DOCK2: variants seen among roughly 807,000 people sequenced by gnomAD.
The protein encoded by DOCK2 is dedicator of cytokinesis 2.
A neutral mutation model predicts 248.9 loss-of-function variants in DOCK2; 87 were observed. That is an observed-to-expected ratio of 0.35 (90% CI 0.29 to 0.42). DOCK2 has a LOEUF of 0.42. Among genes scored for constraint, DOCK2 ranks in the 10% least tolerant of loss-of-function variants. The probability of loss-of-function intolerance (pLI) is 1.00; values close to 1 mark genes in which losing one functional copy is unlikely to be tolerated. For synonymous variants in DOCK2, 805 were observed against 821.6 expected (o/e 0.98, Z 0.35); for missense variants, 1,747 against 2,300.2 (o/e 0.76, Z 4.92).
Position 169,819,577 on chromosome 5 carries a change from C to T in DOCK2, c.2703+16371C>T, listed in dbSNP as rs141307656. On this transcript the variant is annotated intron_variant, in intron 26 of 51. Coordinates refer to ENST00000520908, the MANE Select transcript of DOCK2 (RefSeq NM_004946.3). ...TAGTGGATGCAGTGAGCTGTGATCA[C>T]ACCACTGCACTCCAGCCTGGGTGAC... 1.3e-4 allele frequency among the ~76,000 whole-genome samples: 20 copies of T among 152,298 alleles called. No homozygotes were observed. The East Asian group carries it at 3.7e-3, about 28-fold the overall frequency.
At chr5:169,670,288 G>C (rs534108840) in intron 3 of DOCK2, among the ~76,000 whole-genome samples, 1 of 152,288 alleles carries the variant, frequency 6.6e-6, no homozygotes, top group South Asian at 2.1e-4. Flanking sequence ...TTGGGATCTA[G>C]GGCTATGGTG....
intron 25 of DOCK2, among the ~76,000 whole-genome samples, chr5:169,778,746 A>C (rs13171272): frequency 0.27 from 40,691 of 152,106 alleles, 5,699 homozygotes; most frequent in African/African-American, 0.35. Flanking sequence ...AGATAGTCAA[A>C]TTCAGCAATT....
intron 26 of DOCK2, among the ~76,000 whole-genome samples, chr5:169,827,108 G>C (rs1768916826): frequency 6.6e-6 from 1 of 152,272 alleles, no homozygotes; most frequent in African/African-American, 2.4e-5. Flanking sequence ...CTTAGAATTT[G>C]TCTTGGGTGG....
In DOCK2 at chr5:169,866,332, T is replaced by C. The variant is rs533483912; in HGVS notation, c.2799+25480T>C. On this transcript the variant is annotated intron_variant, in intron 27 of 51. Coordinates refer to ENST00000520908, the MANE Select transcript of DOCK2 (RefSeq NM_004946.3). ...TGTATTGTGGATGAAACATAGGCTG[T>C]GGTTTTTAAAGCAAAGCCCCACAGT... 2.7e-3 allele frequency among the ~76,000 whole-genome samples: 405 copies of C among 152,314 alleles called. 1 individual carries two copies. Among genetic ancestry groups the C allele is most frequent in the Admixed American group, 5.8e-3 (89 of 15,304 alleles).
chr5:169,710,988 T>C lies in DOCK2; in HGVS notation c.1483-947T>C, dbSNP rs563856759. Among the ~76,000 whole-genome samples the C allele has an allele frequency of 5.9e-5, 9 of 152,272 alleles. No homozygotes were observed. In the East Asian group the frequency reaches 1.4e-3, roughly 23 times the overall value. ...TCAGCATGGCCAGCACCCCACATGA[T>C]TGTAGCTTCTAGTGAACATTCAACA... is the stretch of plus-strand genomic sequence containing the variant. On this transcript the variant is annotated intron_variant, in intron 15 of 51. Coordinates refer to ENST00000520908, the MANE Select transcript of DOCK2 (RefSeq NM_004946.3).
At chr5:169,957,395 G>A (rs1418841871) in intron 27 of DOCK2, among the ~76,000 whole-genome samples, 1 of 152,186 alleles carries the variant, frequency 6.6e-6, no homozygotes, top group African/African-American at 2.4e-5. Flanking sequence ...TGTTTAGAAC[G>A]TAATAGGCAC....
intron 47 of DOCK2, among the ~76,000 whole-genome samples, chr5:170,076,847 T>C (rs1757856757): frequency 6.6e-6 from 1 of 152,210 alleles, no homozygotes; most frequent in Non-Finnish European, 1.5e-5. Flanking sequence ...ATGAAGTCCC[T>C]GTAATGCAAT....
intron 25 of DOCK2, among the ~76,000 whole-genome samples, chr5:169,792,834 T>A (rs1270284892): frequency 2.0e-5 from 3 of 152,178 alleles, no homozygotes; most frequent in Non-Finnish European, 2.9e-5. Flanking sequence ...TGGCCATATA[T>A]GCATTTTTAT....
At chr5:169,692,663 T>C (rs1760377953) in intron 9 of DOCK2, among the ~76,000 whole-genome samples, 1 of 152,164 alleles carries the variant, frequency 6.6e-6, no homozygotes, top group African/African-American at 2.4e-5. Context: ...TTATGTAGTA[T>C]ATTAGTTTGC....
At chr5:169,716,894 A>G (rs541614491) in intron 20 of DOCK2, among the ~76,000 whole-genome samples, 1 of 152,226 alleles carries the variant, frequency 6.6e-6, no homozygotes, top group South Asian at 2.1e-4. Flanking sequence ...TTAAGTGTTA[A>G]CCCCTTGTGT....
intron 27 of DOCK2, among the ~76,000 whole-genome samples, chr5:169,876,821 C>T (rs1772363527): frequency 6.6e-6 from 1 of 152,212 alleles, no homozygotes; most frequent in Admixed American, 6.5e-5. Flanking sequence ...ACAATTTAAA[C>T]AGCTGTCTCA....
At chr5:169,991,056 T>C (rs1778193304) in intron 29 of DOCK2, among the ~76,000 whole-genome samples, 1 of 152,248 alleles carries the variant, frequency 6.6e-6, no homozygotes, top group African/African-American at 2.4e-5. Flanking sequence ...CTTTTACAGA[T>C]GGGGCAGTTG....
intron 2 of DOCK2, among the ~76,000 whole-genome samples, chr5:169,663,583 A>G (rs952483844): frequency 2.0e-5 from 3 of 152,186 alleles, no homozygotes; most frequent in Non-Finnish European, 2.9e-5. Context: ...CCAAAGCTCA[A>G]CTCTTGTCTC....
At chr5:169,676,391 G>A (rs1242124331) in intron 6 of DOCK2, among the ~76,000 whole-genome samples, 2 of 152,116 alleles carry the variant, frequency 1.3e-5, no homozygotes, top group Non-Finnish European at 2.9e-5. Flanking sequence ...AGAAGAAAGA[G>A]GGTCCTCCCT....
chr5:169,969,300 C>G (rs1443863126), intron 27 of DOCK2, among the ~76,000 whole-genome samples: 1 of 151,956 alleles, frequency 6.6e-6, no homozygotes, highest in Admixed American at 6.6e-5. Context: ...CAAAAATTAG[C>G]TGGGTGTGGT....
intron 22 of DOCK2, among the ~76,000 whole-genome samples, chr5:169,724,013 A>G (rs144115368): frequency 1.5e-3 from 221 of 152,350 alleles, no homozygotes; most frequent in Non-Finnish European, 2.1e-3. Context: ...AGTCAAGCTC[A>G]ATGATCACAC....
rs1490000490 is a variant in DOCK2, at chr5:169,754,927, A to ATTTATTTATTTATTTG, written c.2377-4763_2377-4762insGTTTATTTATTTATTT. Among the ~76,000 whole-genome samples, 4 of 147,812 alleles carry ATTTATTTATTTATTTG rather than the reference A, an allele frequency of 2.7e-5. No individual in the cohort carries two copies. The Admixed American group carries it at 2.7e-4, about 10-fold the overall frequency. On this transcript the variant is annotated intron_variant, in intron 23 of 51. Transcript: ENST00000520908. ...TAATGGTTCCTATTTTTTATTATTT[A>ATTTATTTATTTATTTG]TTTATTTATTTATTTATTTATTTAT...
At chr5:169,819,821 G>T (rs1015415237) in intron 26 of DOCK2, among the ~76,000 whole-genome samples, 6 of 152,328 alleles carry the variant, frequency 3.9e-5, no homozygotes, top group East Asian at 3.9e-4. Flanking sequence ...GCGGGGTGAG[G>T]CATCACCTCA....
intron 27 of DOCK2, among the ~76,000 whole-genome samples, chr5:169,859,338 TG>T (rs1167150735): frequency 6.6e-6 from 1 of 152,068 alleles, no homozygotes; most frequent in East Asian, 1.9e-4. Flanking sequence ...GAAAAGAAGA[TG>T]GGGAGGAAGT....
Sources: gnomAD v4.1 joint callset for allele counts (sites outside exome capture counted in the v4.1 genomes callset) on GRCh38, gnomAD v4.1.1 for gene constraint, MANE v1.5 for transcripts, NCBI Gene and HGNC (gene_info 2026-07-23, HGNC 2026-07-21) for gene names.